PREP: variants seen among roughly 807,000 people sequenced by gnomAD.
The protein encoded by PREP is dJ355L5.1 (prolyl endopeptidase).
In PREP, 29 loss-of-function variants were observed where a neutral mutation model predicts 87.6. The ratio of observed to expected loss-of-function variants is 0.33; its 90% confidence interval spans 0.25 to 0.45. PREP has a LOEUF of 0.45. PREP is among the 20% of genes least tolerant of loss of function. The probability of loss-of-function intolerance (pLI) is 1.00; values close to 1 mark genes in which losing one functional copy is unlikely to be tolerated. For missense variants in PREP, 695 were observed against 886.5 expected (o/e 0.78, Z 2.74); for synonymous variants, 337 against 328.6 (o/e 1.03, Z -0.28).
intron 7 of PREP, among the ~76,000 whole-genome samples, chr6:105,335,054 G>A (rs1282637072): frequency 6.6e-6 from 1 of 152,082 alleles, no homozygotes; most frequent in Non-Finnish European, 1.5e-5. Context: ...TTAATACTAA[G>A]AACTAGAGAT....
chr6:105,375,794 A>AT (rs1309776625), intron 4 of PREP, among the ~76,000 whole-genome samples: 1 of 152,162 alleles, frequency 6.6e-6, no homozygotes. Flanking sequence ...AAGACGACTT[A>AT]TTTTTTTCTA....
chr6:105,301,314 G>A (rs1397050355), intron 10 of PREP, among the ~76,000 whole-genome samples: 6 of 152,200 alleles, frequency 3.9e-5, no homozygotes, highest in East Asian at 1.9e-4. Context: ...TCTGTGCTAC[G>A]TGTGCCAAAT....
chr6:105,342,821 A>G (rs1042744037), intron 7 of PREP, among the ~76,000 whole-genome samples: 4 of 152,252 alleles, frequency 2.6e-5, no homozygotes, highest in Non-Finnish European at 1.5e-5. Context: ...CCAACTTACA[A>G]GGGATGTGAA....
At chr6:105,311,893 G>A (rs1222777739) in intron 10 of PREP, among the ~76,000 whole-genome samples, 1 of 152,106 alleles carries the variant, frequency 6.6e-6, no homozygotes, top group African/African-American at 2.4e-5. Context: ...ACACTCCTTC[G>A]TTGCTCTTAT....
At chr6:105,348,375 C>T (rs748258670) in intron 7 of PREP, among the ~76,000 whole-genome samples, 1 of 152,178 alleles carries the variant, frequency 6.6e-6, no homozygotes, top group South Asian at 2.1e-4. Context: ...TAAAGGGACA[C>T]GTCATTCGAG....
At chr6:105,387,075 T>G (rs1773014410) in intron 2 of PREP, among the ~76,000 whole-genome samples, 1 of 152,118 alleles carries the variant, frequency 6.6e-6, no homozygotes, top group Non-Finnish European at 1.5e-5. Context: ...TAGCCAGGTG[T>G]GGAGGCGGAT....
At chr6:105,352,203 C>T (rs748975708) in intron 7 of PREP, among the ~76,000 whole-genome samples, 13 of 152,098 alleles carry the variant, frequency 8.5e-5, no homozygotes, top group African/African-American at 2.4e-4. Flanking sequence ...CTGTCCTTAT[C>T]GGGGTGCCAG....
At chr6:105,304,942 T>C (rs1770623033) in intron 10 of PREP, among the ~76,000 whole-genome samples, 1 of 152,240 alleles carries the variant, frequency 6.6e-6, no homozygotes, top group Non-Finnish European at 1.5e-5. Context: ...TATGTGTAGC[T>C]GTTAATCTAT....
intron 2 of PREP, among the ~76,000 whole-genome samples, chr6:105,387,711 G>T (rs551700513): frequency 6.6e-6 from 1 of 152,314 alleles, no homozygotes; most frequent in Non-Finnish European, 1.5e-5. Flanking sequence ...ATGAATTTGT[G>T]TTGGGCCACA....
At chr6:105,351,296 G>C (rs1339141212) in intron 7 of PREP, among the ~76,000 whole-genome samples, 1 of 152,174 alleles carries the variant, frequency 6.6e-6, no homozygotes, top group African/African-American at 2.4e-5. Context: ...GCTCTGAATG[G>C]ATCATGGCCA....
intron 2 of PREP, among the ~76,000 whole-genome samples, chr6:105,379,432 G>C (rs1389369255): frequency 1.3e-5 from 2 of 152,162 alleles, no homozygotes; most frequent in Non-Finnish European, 2.9e-5. Flanking sequence ...AAACCACCCA[G>C]GGGAGCATTT....
chr6:105,316,959 A>ATTTTT (rs767753839), intron 10 of PREP, among the ~76,000 whole-genome samples: 1 of 139,630 alleles, frequency 7.2e-6, no homozygotes, highest in Non-Finnish European at 1.6e-5. Flanking sequence ...AGTCTAATTA[A>ATTTTT]TTTTTTTTTT....
At chr6:105,341,994 A>G (rs1771666083) in intron 7 of PREP, among the ~76,000 whole-genome samples, 1 of 152,232 alleles carries the variant, frequency 6.6e-6, no homozygotes, top group South Asian at 2.1e-4. Flanking sequence ...AAACTATTCC[A>G]ATCAATAGAA....
intron 12 of PREP, 41 bp downstream of exon 12, chr6:105,285,445 G>T: frequency 1.3e-6 from 2 of 1,561,682 alleles, no homozygotes; most frequent in South Asian, 2.2e-5. Context: ...CCTTAGCTTT[G>T]ATTATGTCAG....
rs1383397677 is a variant in PREP, at chr6:105,285,618, G to A, written c.1455-38C>T. 5 of 1,530,308 alleles carry A rather than the reference G, an allele frequency of 3.3e-6. No individual in the cohort carries two copies. The Admixed American group carries it at 8.4e-5, about 26-fold the overall frequency. 94.8% of individuals were successfully genotyped at this position (1,530,308 alleles called of 1,614,324 possible). A position where few individuals can be genotyped will look rare whatever the true frequency, so the allele number is the denominator to read the frequency against. On this transcript the variant is annotated intron_variant, in intron 11 of 14. Transcript: ENST00000652536. ...AAAAACAGTTAACCTTCCATTAACT[G>A]CCTAGTGAAGACCATGCCCTCTCTC...
intron 10 of PREP, among the ~76,000 whole-genome samples, chr6:105,304,041 T>A (rs912692159): frequency 3.3e-5 from 5 of 152,192 alleles, no homozygotes; most frequent in Non-Finnish European, 5.9e-5. Context: ...AAATATGAGG[T>A]CTATACAGTT....
At chr6:105,374,632 TTATATATATATATATATATA>T (rs61452752) in intron 4 of PREP, among the ~76,000 whole-genome samples, 6,072 of 90,760 alleles carry the variant, frequency 0.067, 373 homozygotes, top group East Asian at 0.13. Context: ...TTTGAATTGT[TTATATATATATATATATATA>T]TATATATATA....
chr6:105,393,190 A>G (rs1323559300), intron 2 of PREP, among the ~76,000 whole-genome samples: 1 of 152,240 alleles, frequency 6.6e-6, no homozygotes, highest in Non-Finnish European at 1.5e-5. Flanking sequence ...GCTGCTTATT[A>G]CATTTCCAAT....
chr6:105,331,508 C>T (rs1412860180), intron 8 of PREP, among the ~76,000 whole-genome samples: 1 of 152,162 alleles, frequency 6.6e-6, no homozygotes, highest in African/African-American at 2.4e-5. Flanking sequence ...CCGGAAAACT[C>T]CTGGAGCACC....
Sources: gnomAD v4.1 joint callset for allele counts (sites outside exome capture counted in the v4.1 genomes callset) on GRCh38, gnomAD v4.1.1 for gene constraint, MANE v1.5 for transcripts, NCBI Gene and HGNC (gene_info 2026-07-23, HGNC 2026-07-21) for gene names.